IMMP2L: variants seen among roughly 807,000 people sequenced by gnomAD.
IMMP2L encodes mitochondrial inner membrane protease subunit 2.
Under a neutral mutation model 19.3 loss-of-function variants are expected in IMMP2L, and 18 were observed. That is an observed-to-expected ratio of 0.93 (90% CI 0.64 to 1.38). IMMP2L has a LOEUF of 1.38. Among genes scored for constraint, IMMP2L ranks in the 40% most tolerant of loss-of-function variants. IMMP2L has a pLI of 0.00. For missense variants in IMMP2L, 233 were observed against 218.2 expected (o/e 1.07, Z -0.43); for synonymous variants, 76 against 73.0 (o/e 1.04, Z -0.21).
intron 3 of IMMP2L, among the ~76,000 whole-genome samples, chr7:111,057,874 T>C (rs1721335984): frequency 6.6e-6 from 1 of 152,214 alleles, no homozygotes; most frequent in Non-Finnish European, 1.5e-5. Flanking sequence ...ACATTCTTGT[T>C]CATGAGGAAT....
chr7:110,960,589 G>A (rs1370130522), intron 4 of IMMP2L, among the ~76,000 whole-genome samples: 1 of 151,456 alleles, frequency 6.6e-6, no homozygotes, highest in East Asian at 1.9e-4. Flanking sequence ...GGATATTTGT[G>A]ATATATATCA....
chr7:111,470,237 G>A (rs902762743), intron 3 of IMMP2L, among the ~76,000 whole-genome samples: 1 of 152,144 alleles, frequency 6.6e-6, no homozygotes, highest in African/African-American at 2.4e-5. Context: ...AGGTGCTGGA[G>A]AGGATGTGGA....
chr7:111,127,686 T>C (rs541885653), intron 3 of IMMP2L, among the ~76,000 whole-genome samples: 9 of 152,264 alleles, frequency 5.9e-5, no homozygotes, highest in South Asian at 4.1e-4. Flanking sequence ...ACTTACAATT[T>C]TGTGATATGA....
intron 3 of IMMP2L, among the ~76,000 whole-genome samples, chr7:111,170,609 A>G (rs1025273799): frequency 6.6e-6 from 1 of 151,806 alleles, no homozygotes; most frequent in Non-Finnish European, 1.5e-5. Flanking sequence ...TAGCCCTAGA[A>G]AAGATAATCC....
intron 3 of IMMP2L, among the ~76,000 whole-genome samples, chr7:110,975,281 G>A (rs1820575086): frequency 6.6e-6 from 1 of 152,096 alleles, no homozygotes; most frequent in Non-Finnish European, 1.5e-5. Flanking sequence ...CTTTCAAGCT[G>A]TATAACTACC....
Position 111,408,488 on chromosome 7 carries a change from C to T in IMMP2L, c.239+78750G>A, listed in dbSNP as rs992873692. Among the ~76,000 whole-genome samples the T allele has an allele frequency of 1.3e-5, 2 of 151,704 alleles. 1 individual carries two copies. Among genetic ancestry groups the T allele is most frequent in the African/African-American group, 4.9e-5 (2 of 41,172 alleles). On this transcript the variant is annotated intron_variant, in intron 3 of 5. Coordinates refer to ENST00000405709, the MANE Select transcript of IMMP2L (RefSeq NM_032549.4). Reference sequence around the variant, plus strand: ...ACACACACACAAACTCTAAGTCACACAATCTCTATAATAAAGATTTTTCTA... The same window carrying T: ...ACACACACACAAACTCTAAGTCACATAATCTCTATAATAAAGATTTTTCTA...
chr7:111,421,996 GT>G (rs1398110858), intron 3 of IMMP2L, among the ~76,000 whole-genome samples: 9 of 151,712 alleles, frequency 5.9e-5, no homozygotes, highest in Non-Finnish European at 1.3e-4. Context: ...CCCATTTCTT[GT>G]TGTTTTTGTC....
At chr7:110,731,529 G>T (rs1796277748) in intron 5 of IMMP2L, among the ~76,000 whole-genome samples, 1 of 152,048 alleles carries the variant, frequency 6.6e-6, no homozygotes, top group African/African-American at 2.4e-5. Flanking sequence ...GTAATTTGGG[G>T]GTGACACAGG....
chr7:111,397,827 C>G (rs112556670), intron 3 of IMMP2L, among the ~76,000 whole-genome samples: 1 of 151,994 alleles, frequency 6.6e-6, no homozygotes, highest in African/African-American at 2.4e-5. Context: ...TTCACTTTAT[C>G]ATTTCATGTT....
chr7:110,868,655 A>G (rs1808240178), intron 5 of IMMP2L, among the ~76,000 whole-genome samples: 1 of 152,134 alleles, frequency 6.6e-6, no homozygotes, highest in Admixed American at 6.6e-5. Flanking sequence ...GAAAATATGA[A>G]CTGGCATTGG....
At chr7:111,357,302 C>T (rs543833407) in intron 3 of IMMP2L, among the ~76,000 whole-genome samples, 1 of 152,256 alleles carries the variant, frequency 6.6e-6, no homozygotes, top group African/African-American at 2.4e-5. Flanking sequence ...GATGCTTAAA[C>T]AATGAATTTT....
chr7:111,314,479 A>T (rs1269445638), intron 3 of IMMP2L, among the ~76,000 whole-genome samples: 1 of 152,146 alleles, frequency 6.6e-6, no homozygotes, highest in Non-Finnish European at 1.5e-5. Context: ...GAAATTTTTT[A>T]ATTTAAATTT....
chr7:110,756,880 C>G (rs963043823), intron 5 of IMMP2L, among the ~76,000 whole-genome samples: 1 of 151,956 alleles, frequency 6.6e-6, no homozygotes, highest in African/African-American at 2.4e-5. Context: ...GAAAGGGAAC[C>G]CACTCAGTAA....
chr7:111,493,833 C>A (rs944482549), intron 2 of IMMP2L, among the ~76,000 whole-genome samples: 1 of 151,340 alleles, frequency 6.6e-6, no homozygotes, highest in Non-Finnish European at 1.5e-5. Flanking sequence ...ACGGTGAAAC[C>A]CCGTCTCTGC....
intron 3 of IMMP2L, among the ~76,000 whole-genome samples, chr7:111,255,693 AAG>A (rs1816622285): frequency 6.6e-6 from 1 of 152,044 alleles, no homozygotes; most frequent in Non-Finnish European, 1.5e-5. Flanking sequence ...TGAAAGATAA[AAG>A]AGCTAGGGAT....
rs200749153 is a variant in IMMP2L at position 110,712,901 on chromosome 7, A to C, written c.409-49180T>G. Among the ~76,000 whole-genome samples, 434 of 140,178 alleles carry C rather than the reference A, an allele frequency of 3.1e-3. 1 individual carries two copies. The highest frequency in any genetic ancestry group is 9.9e-3 in the African/African-American group (356 of 35,892). The allele number at this position is 140,178 out of a possible 152,430, so 92.0% of individuals were successfully genotyped here. A position where few individuals can be genotyped will look rare whatever the true frequency, so the allele number is the denominator to read the frequency against. On this transcript the variant is annotated intron_variant, in intron 5 of 5. Transcript: ENST00000405709. The stretch of plus-strand genomic sequence containing the variant: ...AGTGCGCACACACACTGGCCTGCGC[A>C]CACTGTCTGGCACTCCCTGGTGAGA...
At chr7:111,079,983 C>A (rs1795756612) in intron 3 of IMMP2L, among the ~76,000 whole-genome samples, 1 of 151,370 alleles carries the variant, frequency 6.6e-6, no homozygotes, top group African/African-American at 2.4e-5. Flanking sequence ...TTAGATGCAG[C>A]CCCTTACCTT....
intron 5 of IMMP2L, among the ~76,000 whole-genome samples, chr7:110,786,383 G>A (rs1800079276): frequency 6.6e-6 from 1 of 151,976 alleles, no homozygotes; most frequent in African/African-American, 2.4e-5. Context: ...AATAGGATCT[G>A]TTTTATCTTT....
intron 3 of IMMP2L, among the ~76,000 whole-genome samples, chr7:111,410,286 G>T (rs1443075774): frequency 1.3e-5 from 2 of 151,652 alleles, no homozygotes; most frequent in African/African-American, 4.9e-5. Context: ...GATTACCCTA[G>T]ATCATCCTTG....
Sources: gnomAD v4.1 joint callset for allele counts (sites outside exome capture counted in the v4.1 genomes callset) on GRCh38, gnomAD v4.1.1 for gene constraint, MANE v1.5 for transcripts, NCBI Gene and HGNC (gene_info 2026-07-23, HGNC 2026-07-21) for gene names.